The following CGN variants were observed in gnomAD, a reference collection of about 807,000 sequenced individuals.
CGN encodes cingulin.
CGN carries 121 observed loss-of-function variants against 157.1 expected under a neutral mutation model. The ratio of observed to expected loss-of-function variants is 0.77; its 90% CI spans 0.66 to 0.90. The LOEUF is 0.90. Among genes scored for constraint, CGN ranks in the 40% least tolerant of loss-of-function variants. The probability of loss-of-function intolerance (pLI) is 0.00; values close to 1 mark genes in which losing one functional copy is unlikely to be tolerated. For missense variants in CGN, 1,424 were observed against 1,520.9 expected, an observed-to-expected ratio of 0.94 and a Z score of 1.06; for synonymous variants, 535 against 607.5, an observed-to-expected ratio of 0.88 and a Z score of 1.76.
In CGN at chr1:151,519,308, T is replaced by C. The variant is rs1371830157; in HGVS notation, c.789T>C (p.Phe263=). The C allele has an allele frequency of 6.2e-7, 1 of 1,613,014 alleles. No individual in the cohort carries two copies. The highest frequency in any genetic ancestry group is 1.7e-5 in the Admixed American group (1 of 60,010). The change falls in exon 2 of 21, where the codon TTT becomes TTC. Residue 263 remains phenylalanine (F), a synonymous_variant. Coordinates refer to ENST00000271636, the MANE Select transcript of CGN (RefSeq NM_020770.3). ...QSQNLSPLSG[F]SRSRQTQDWV... The stretch of plus-strand genomic sequence containing the variant: ...AGAACCTGAGTCCTCTCAGTGGCTT[T>C]AGCCGTTCTCGTCAGACTCAGGACT...
chr1:151,529,997 A>T lies in CGN; in HGVS notation c.2195A>T (p.Asn732Ile). 1.9e-6 allele frequency: 3 copies of T among 1,614,142 alleles called. No individual in the cohort carries two copies. Among genetic ancestry groups the T allele is most frequent in the Non-Finnish European group, 2.5e-6 (3 of 1,180,018 alleles). The change falls in exon 12 of 21, where the codon AAT becomes ATT. Residue 732 changes from asparagine to isoleucine, a missense_variant. Physicochemically the swap from Asn to Ile is moderately radical, Grantham distance 149 (BLOSUM62 -3). Coordinates refer to ENST00000271636, the MANE Select transcript of CGN (RefSeq NM_020770.3). Reference protein sequence around the residue: ...ETTLRETQEENDEFRRRILGL... With the variant: ...ETTLRETQEEIDEFRRRILGL... ...ACGCTTCGGGAGACCCAGGAGGAAA[A>T]TGACGAATTCCGCCGGCGCATCCTG...
At position 151,537,514 on chromosome 1, in the gene CGN, A is replaced by G. The variant is rs1229835587; in HGVS notation, c.*168A>G. 1 of 535,180 alleles carries G rather than the reference A, an allele frequency of 1.9e-6. No homozygotes were observed. The highest frequency in any genetic ancestry group is 1.9e-5 in the African/African-American group (1 of 52,756). 33.2% of individuals were successfully genotyped at this position (535,180 alleles called of 1,614,324 possible). On this transcript the variant is annotated 3_prime_UTR_variant, in exon 21 of 21. Coordinates refer to ENST00000271636, the MANE Select transcript of CGN (RefSeq NM_020770.3). The stretch of plus-strand genomic sequence containing the variant: ...ATAAAAAAAAAAAATCATCAGCAAT[A>G]AGCTGATAGATGGACTTTCCACTGT...
intron 14 of CGN, 139 bp downstream of exon 14, chr1:151,532,711 C>T (rs901771277): frequency 3.3e-6 from 2 of 603,552 alleles, no homozygotes; most frequent in African/African-American, 2.0e-5. Flanking sequence ...GCTCTGCCTC[C>T]GGGGTTCACA....
At chr1:151,522,927 GAA>G (rs3056390) in intron 5 of CGN, among the ~76,000 whole-genome samples, 38,642 of 145,602 alleles carry the variant, frequency 0.27, 6,225 homozygotes, top group East Asian at 0.79. Flanking sequence ...AAAACACCAA[GAA>G]AAAAAAAAAA....
rs536340952 is a variant in CGN, at chr1:151,536,672, G to A, written c.3307-58G>A. ...CCTTGTCAAGATTGTTATGGGGGAG[G>A]GTCCCAGGCCATGGTAGTAGATGCT... is the stretch of plus-strand genomic sequence containing the variant. On this transcript the variant is annotated intron_variant, in intron 19 of 20. Coordinates refer to ENST00000271636, the MANE Select transcript of CGN (RefSeq NM_020770.3). 1.2e-5 allele frequency: 19 copies of A among 1,553,014 alleles called. No individual in the cohort carries two copies. In the African/African-American group the frequency reaches 2.6e-4, roughly 21 times the overall value.
In CGN at chr1:151,530,699, G is replaced by C. The variant is rs112517377; in HGVS notation, c.2524G>C (p.Glu842Gln). ...CCGGCGAGGCAAGGCTGAGCTGGAG[G>C]AGCAGAAGCGTTTGCTGGACAGGAC... ...VLRRGKAELE[E>Q]QKRLLDRTVD... The change falls in exon 13 of 21, where the codon GAG (glutamate) becomes CAG (glutamine). Residue 842 changes from glutamate to glutamine, a missense_variant. Around this residue, in one of 3 missense-constraint regions of CGN, gnomAD observed 1,187 missense variants for 1,217.6 expected, o/e 0.97. Transcript: ENST00000271636. 16 of 1,556,092 alleles carry C rather than the reference G, an allele frequency of 1.0e-5. No individual in the cohort carries two copies. The African/African-American group carries it at 1.4e-4, about 13-fold the overall frequency.
rs767248803 is a variant in CGN, at chr1:151,530,509, G to C, written c.2334G>C (p.Glu778Asp). 1.3e-6 allele frequency: 2 copies of C among 1,593,232 alleles called. No homozygotes were observed. Among genetic ancestry groups the C allele is most frequent in the East Asian group, 2.2e-5 (1 of 44,822 alleles). ...QRLEAEKQQL[E>D]EALNASQEEE... ...CCCAGGCAGAGAAACAGCAGCTGGA[G>C]GAGGCCCTGAATGCGTCCCAGGAAG... Residue 778 changes from glutamate to aspartate, a missense_variant, in exon 13 of 21, where the codon GAG (glutamate) becomes GAC (aspartate). Glu to Asp is a conservative substitution (Grantham distance 45, BLOSUM62 2). Coordinates refer to ENST00000271636, the MANE Select transcript of CGN (RefSeq NM_020770.3).
At chr1:151,510,614 G>T (rs1480597477), upstream of CGN, 1 of 152,028 alleles carries the variant, frequency 6.6e-6, no homozygotes, top group Non-Finnish European at 1.5e-5. Flanking sequence ...GTAAATTTGC[G>T]TCCCCGGTTT....
chr1:151,535,762 G>T lies in CGN; in HGVS notation c.3079-18G>T, dbSNP rs768762405. ...GGCCAGTGGAGTGCTAACTGTGGAG[G>T]CTTCCTGTCCCTCTCAGAACAAGGA... On this transcript the variant is annotated intron_variant, in intron 17 of 20. Transcript: ENST00000271636. 39 of 1,611,766 alleles carry T rather than the reference G, an allele frequency of 2.4e-5. No homozygotes were observed. In the East Asian group the frequency reaches 7.1e-4, roughly 29 times the overall value.
chr1:151,511,929 C>T lies in CGN; in HGVS notation c.-15+414C>T, dbSNP rs1419100020. Among the ~76,000 whole-genome samples, 1 of 152,132 alleles carries T rather than the reference C, an allele frequency of 6.6e-6. No homozygotes were observed. On this transcript the variant is annotated intron_variant, in intron 1 of 20. Coordinates refer to ENST00000271636, the MANE Select transcript of CGN (RefSeq NM_020770.3). The surrounding 1 kb of genome is among the most constrained non-coding windows in gnomAD (Gnocchi z 4.8). ...CAGACTCGCCAGGGGAGGGCATCTG[C>T]AGGTGCTGCTCGCCTGAGGGTCTTT...
chr1:151,513,462 T>G (rs879621193), intron 1 of CGN, among the ~76,000 whole-genome samples: 5 of 152,174 alleles, frequency 3.3e-5, no homozygotes, highest in Admixed American at 1.3e-4. Flanking sequence ...GGGTGCCAAA[T>G]CATCAAGGTC....
At position 151,532,560 on chromosome 1, in the gene CGN, ACTT is replaced by A. The variant is rs1354596119; in HGVS notation, c.2732_2734del (p.Leu911del). On this transcript the variant is annotated inframe_deletion, in exon 14 of 21. Transcript: ENST00000271636. ...AGAAGACCTCTGGAGGACTGAGCCGACTTCAGGATGAGGTAGAAGTCTAATATC... is the reference window on the plus strand; with the variant it reads ...AGAAGACCTCTGGAGGACTGAGCCGACAGGATGAGGTAGAAGTCTAATATC... The A allele has an allele frequency of 2.6e-6, 4 of 1,532,328 alleles. No individual in the cohort carries two copies. Among genetic ancestry groups the A allele is most frequent in the Non-Finnish European group, 2.6e-6 (3 of 1,144,438 alleles). The allele number at this position is 1,532,328 out of a possible 1,614,324, so 94.9% of individuals were successfully genotyped here.
At position 151,536,825 on chromosome 1, in the gene CGN, G is replaced by C; in HGVS notation, c.3402G>C (p.Glu1134Asp). ...LDGLRKKAQR[E>D]VEEQHEVNEQ... ...GCCTGAGGAAGAAGGCCCAGCGTGAGGTGGAGGAGCAGCATGAGGTCAATG... is the reference window on the plus strand; with the variant it reads ...GCCTGAGGAAGAAGGCCCAGCGTGACGTGGAGGAGCAGCATGAGGTCAATG... Residue 1134 changes from glutamate (E) to aspartate (D), a missense_variant, in exon 20 of 21, where the codon GAG (glutamate) becomes GAC (aspartate). By Grantham distance (45) the Glu-to-Asp change is conservative (BLOSUM62 2). Around this residue, in one of 3 missense-constraint regions of CGN, gnomAD observed 199 missense variants for 272.2 expected, o/e 0.73. Coordinates refer to ENST00000271636, the MANE Select transcript of CGN (RefSeq NM_020770.3). 6.2e-7 allele frequency: 1 copy of C among 1,614,204 alleles called. No homozygotes were observed. The highest frequency in any genetic ancestry group is 1.1e-5 in the South Asian group (1 of 91,090).
At position 151,533,991 on chromosome 1, in the gene CGN, A is replaced by T; in HGVS notation, c.2759A>T (p.Gln920Leu). The change falls in exon 15 of 21, where the codon CAG becomes CTG. Residue 920 changes from glutamine to leucine, a missense_variant. By Grantham distance (113) the Gln-to-Leu change is moderately radical. Coordinates refer to ENST00000271636, the MANE Select transcript of CGN (RefSeq NM_020770.3). The part of the protein sequence containing the change: ...RLQDEIQRLR[Q>L]ALQASQAERD... Reference sequence around the variant, plus strand: ...CCTGCCCAGATCCAGAGGCTGCGGCAGGCCCTGCAGGCATCCCAGGCTGAG... The same window carrying T: ...CCTGCCCAGATCCAGAGGCTGCGGCTGGCCCTGCAGGCATCCCAGGCTGAG... 1 of 1,609,014 alleles carries T rather than the reference A, an allele frequency of 6.2e-7. No homozygotes were observed. Among genetic ancestry groups the T allele is most frequent in the South Asian group, 1.1e-5 (1 of 90,522 alleles).
chr1:151,524,568 A>C lies in CGN; in HGVS notation c.1402-106A>C. 1 of 1,169,578 alleles carries C rather than the reference A, an allele frequency of 8.6e-7. No individual in the cohort carries two copies. Among genetic ancestry groups the C allele is most frequent in the Non-Finnish European group, 1.2e-6 (1 of 819,066 alleles). The allele number at this position is 1,169,578 out of a possible 1,614,324, so 72.5% of individuals were successfully genotyped here. ...TGGGCTCCAGTACTGGTACTAGAGC[A>C]CCTGGTACTGTGCCTAATACGATAA... On this transcript the variant is annotated intron_variant, in intron 7 of 20. Coordinates refer to ENST00000271636, the MANE Select transcript of CGN (RefSeq NM_020770.3). This position sits in a 1 kb window ranked among gnomAD's most constrained non-coding sequence, Gnocchi z 4.4.
intron 13 of CGN, among the ~76,000 whole-genome samples, chr1:151,531,850 AAT>A (rs1296600163): frequency 2.0e-5 from 3 of 152,264 alleles, no homozygotes; most frequent in Non-Finnish European, 4.4e-5. Flanking sequence ...ATCATTTGTC[AAT>A]GAAAAATGCA....
At position 151,520,480 on chromosome 1, in the gene CGN, A is replaced by G. The variant is rs905224025; in HGVS notation, c.1041A>G (p.Leu347=). ...TGGTGCTGGAGAAGATGCAGCCTCT[A>G]GTGGTGAGTGGCCTTCTCTGGATGG... The part of the protein sequence containing the change: ...VSLVLEKMQP[L]VMVSSGSTKA... Residue 347 remains leucine, a synonymous_variant, in exon 4 of 21, where the codon CTA becomes CTG. Transcript: ENST00000271636. The G allele has an allele frequency of 2.5e-6, 4 of 1,613,846 alleles. No homozygotes were observed. The highest frequency in any genetic ancestry group is 1.7e-5 in the Admixed American group (1 of 59,998).
chr1:151,529,822 T>C (rs1664788417), intron 11 of CGN, 87 bp from the exon 12 acceptor site: 1 of 1,284,038 alleles, frequency 7.8e-7, no homozygotes, highest in African/African-American at 1.5e-5. Context: ...GGGATGGCTT[T>C]CCTGGGTGTG....
intron 5 of CGN, among the ~76,000 whole-genome samples, chr1:151,522,016 G>A (rs11204839): frequency 0.64 from 96,767 of 152,014 alleles, 34,685 homozygotes; most frequent in Non-Finnish European, 0.83. Flanking sequence ...GGTGGCTTAC[G>A]CCTATAATCC....
Sources: allele counts gnomAD v4.1 joint callset (sites outside exome capture counted in the v4.1 genomes callset), GRCh38; gene constraint gnomAD v4.1.1; regional missense constraint gnomAD v4.1.1; non-coding constraint Gnocchi (gnomAD v3.1); transcripts MANE v1.5; gene names NCBI Gene and HGNC (gene_info 2026-07-23, HGNC 2026-07-21).